KCND3: variants seen among roughly 807,000 people sequenced by gnomAD.
KCND3 encodes A-type voltage-gated potassium channel KCND3.
A neutral mutation model predicts 51.1 loss-of-function variants in KCND3; 9 were observed. That is an observed-to-expected ratio of 0.18 (90% CI 0.11 to 0.31). The LOEUF (loss-of-function observed/expected upper bound fraction) is 0.31. KCND3 is among the 10% of genes least tolerant of loss of function. The pLI, the probability that KCND3 is intolerant of heterozygous loss-of-function variation, is 1.00. For missense variants in KCND3, 526 were observed against 903.8 expected, an observed-to-expected ratio of 0.58 and a Z score of 5.36; for synonymous variants, 349 against 368.0, an observed-to-expected ratio of 0.95 and a Z score of 0.59.
At chr1:111,888,146 G>A (rs1266240262) in intron 2 of KCND3, among the ~76,000 whole-genome samples, 1 of 152,368 alleles carries the variant, frequency 6.6e-6, no homozygotes, top group African/African-American at 2.4e-5. Flanking sequence ...TGTGGGGTGG[G>A]AGGGAAGAGG....
At chr1:111,891,161 G>C (rs976242782) in intron 2 of KCND3, among the ~76,000 whole-genome samples, 1 of 152,160 alleles carries the variant, frequency 6.6e-6, no homozygotes, top group Non-Finnish European at 1.5e-5. Flanking sequence ...CTACTTCATA[G>C]GGTTGTTAGA....
chr1:111,920,309 C>G (rs541835752), intron 2 of KCND3, among the ~76,000 whole-genome samples: 2 of 149,380 alleles, frequency 1.3e-5, no homozygotes, highest in Admixed American at 1.3e-4. Context: ...CGTCTTCCTA[C>G]AGCCCGACCT....
intron 2 of KCND3, chr1:111,910,101 C>G (rs1167667782): frequency 1.3e-5 from 2 of 152,214 alleles, no homozygotes; most frequent in African/African-American, 4.8e-5. Context: ...CTCTCTCTCT[C>G]TCTTTCTCTT....
intron 2 of KCND3, among the ~76,000 whole-genome samples, chr1:111,928,147 T>A (rs576858354): frequency 6.6e-6 from 1 of 152,226 alleles, no homozygotes. Context: ...AGAATATAAG[T>A]TCCATGAGGG....
At chr1:111,866,193 T>C (rs984708337) in intron 2 of KCND3, among the ~76,000 whole-genome samples, 3 of 151,936 alleles carry the variant, frequency 2.0e-5, no homozygotes, top group Non-Finnish European at 4.4e-5. Context: ...GTTTGTTTCA[T>C]TGATTTTCTT....
At chr1:111,932,968 C>T (rs1672051594) in intron 2 of KCND3, among the ~76,000 whole-genome samples, 1 of 152,174 alleles carries the variant, frequency 6.6e-6, no homozygotes, top group African/African-American at 2.4e-5. Flanking sequence ...CATGGTTTGG[C>T]TGTGCCTCCA....
chr1:111,844,332 T>A (rs964055573), intron 2 of KCND3, among the ~76,000 whole-genome samples: 7 of 152,254 alleles, frequency 4.6e-5, no homozygotes, highest in African/African-American at 1.7e-4. Context: ...TCAGAATTAT[T>A]CCTTTTATTA....
At chr1:111,924,123 CTATT>C (rs1359757493) in intron 2 of KCND3, among the ~76,000 whole-genome samples, 3 of 152,366 alleles carry the variant, frequency 2.0e-5, no homozygotes, top group African/African-American at 7.2e-5. Context: ...TGCCCTCCAA[CTATT>C]CATTCATATC....
intron 2 of KCND3, among the ~76,000 whole-genome samples, chr1:111,887,588 C>T (rs894384223): frequency 6.6e-6 from 1 of 152,192 alleles, no homozygotes; most frequent in African/African-American, 2.4e-5. Flanking sequence ...TCCTCTATCA[C>T]ACAGTAGCAG....
chr1:111,800,803 G>A (rs1665274993), intron 2 of KCND3, among the ~76,000 whole-genome samples: 1 of 152,230 alleles, frequency 6.6e-6, no homozygotes, highest in Admixed American at 6.5e-5. Flanking sequence ...GGCATCCCTG[G>A]TTGGGGCTGG....
intron 2 of KCND3, among the ~76,000 whole-genome samples, chr1:111,943,644 G>T (rs558883014): frequency 1.3e-5 from 2 of 152,300 alleles, no homozygotes; most frequent in Admixed American, 1.3e-4. Flanking sequence ...CATGCCTCTT[G>T]TGCATCACCT....
chr1:111,958,168 G>A (rs1202118119), intron 2 of KCND3, among the ~76,000 whole-genome samples: 1 of 152,162 alleles, frequency 6.6e-6, no homozygotes, highest in Admixed American at 6.5e-5. Flanking sequence ...CCATGGGGTG[G>A]AGTAGGACAG....
At chr1:111,889,558 T>A (rs56128675) in intron 2 of KCND3, among the ~76,000 whole-genome samples, 13,472 of 152,184 alleles carry the variant, frequency 0.089, 641 homozygotes, top group East Asian at 0.17. Flanking sequence ...CTTTTTTTTT[T>A]AAATCATTTT....
At chr1:111,968,522 GT>G (rs2101953167) in intron 2 of KCND3, among the ~76,000 whole-genome samples, 1 of 152,330 alleles carries the variant, frequency 6.6e-6, no homozygotes, top group South Asian at 2.1e-4. Flanking sequence ...TCCATACCTG[GT>G]GACTGGGGGT....
intron 2 of KCND3, among the ~76,000 whole-genome samples, chr1:111,979,531 A>G (rs1397663497): frequency 6.6e-6 from 1 of 152,218 alleles, no homozygotes; most frequent in African/African-American, 2.4e-5. Context: ...AATAACCCTG[A>G]AGGTCTGATT....
chr1:111,931,368 G>A (rs1671961474), intron 2 of KCND3, among the ~76,000 whole-genome samples: 4 of 152,138 alleles, frequency 2.6e-5, no homozygotes, highest in Admixed American at 2.6e-4. Context: ...ATAAACAAAT[G>A]AAACCAACAG....
chr1:111,909,453 G>A (rs1670822982), intron 2 of KCND3: 1 of 152,210 alleles, frequency 6.6e-6, no homozygotes, highest in Non-Finnish European at 1.5e-5. Flanking sequence ...TCTTTGCTGA[G>A]TGACAGGTTA....
In KCND3 at chr1:111,888,043, G is replaced by C. The variant is rs1395238376; in HGVS notation, c.1106+93578C>G. Among the ~76,000 whole-genome samples the C allele has an allele frequency of 2.0e-5, 3 of 152,258 alleles. No homozygotes were observed. In the East Asian group the frequency reaches 5.8e-4, roughly 29 times the overall value. On this transcript the variant is annotated intron_variant, in intron 2 of 7. Transcript: ENST00000302127. ...AAGGTACCCCTGGCTGGGTGTACCA[G>C]AGTGATGGGCAGAGCAAGGTCCAGA... is the stretch of plus-strand genomic sequence containing the variant.
chr1:111,848,707 C>T (rs1431613883), intron 2 of KCND3, among the ~76,000 whole-genome samples: 2 of 152,204 alleles, frequency 1.3e-5, no homozygotes, highest in African/African-American at 2.4e-5. Context: ...CTCCTCTTGG[C>T]TCCGAGACCT....
Sources: gnomAD v4.1 joint callset for allele counts (sites outside exome capture counted in the v4.1 genomes callset) on GRCh38, gnomAD v4.1.1 for gene constraint, MANE v1.5 for transcripts, NCBI Gene and HGNC (gene_info 2026-07-23, HGNC 2026-07-21) for gene names.